The following KLHL1 variants were observed in gnomAD, a reference collection of about 807,000 sequenced individuals.
KLHL1 encodes the protein kelch-like protein 1.
Under a neutral mutation model 77.7 loss-of-function variants are expected in KLHL1, and 47 were observed. That is an observed-to-expected ratio of 0.60 (90% CI 0.48 to 0.77). The LOEUF (loss-of-function observed/expected upper bound fraction) is 0.77, where lower values mean the gene tolerates loss of function less well. Ranked by LOEUF, KLHL1 falls within the 30% of genes least tolerant of loss-of-function variation. The probability of loss-of-function intolerance (pLI) is 0.00; values close to 1 mark genes in which losing one functional copy is unlikely to be tolerated. For missense variants in KLHL1, 925 were observed against 910.8 expected (o/e 1.02, Z -0.20); for synonymous variants, 360 against 325.2 (o/e 1.11, Z -1.15).
chr13:69,774,755 T>C (rs1875745950), intron 7 of KLHL1, among the ~76,000 whole-genome samples: 1 of 152,156 alleles, frequency 6.6e-6, no homozygotes, highest in South Asian at 2.1e-4. Context: ...TTCTTGTATA[T>C]TAACTTTGCA....
chr13:69,769,454 C>G (rs373346792), intron 7 of KLHL1, among the ~76,000 whole-genome samples: 1 of 152,068 alleles, frequency 6.6e-6, no homozygotes, highest in Admixed American at 6.5e-5. Flanking sequence ...AGGGATGGGT[C>G]CCTGGTGAAA....
chr13:69,992,050 T>C lies in KLHL1; in HGVS notation c.498-16248A>G, dbSNP rs578233733. On this transcript the variant is annotated intron_variant, in intron 1 of 10. Transcript: ENST00000377844. ...CTCAGACCTAATGAATCAAGCCCTCTGGGAGGTTCTGTTGGATGCTCAAGT... is the reference window on the plus strand; with the variant it reads ...CTCAGACCTAATGAATCAAGCCCTCCGGGAGGTTCTGTTGGATGCTCAAGT... 1.5e-4 allele frequency among the ~76,000 whole-genome samples: 23 copies of C among 152,064 alleles called. No homozygotes were observed. In the South Asian group the frequency reaches 3.7e-3, roughly 25 times the overall value.
At chr13:69,729,906 TA>T (rs1262572705) in intron 8 of KLHL1, among the ~76,000 whole-genome samples, 2 of 152,212 alleles carry the variant, frequency 1.3e-5, no homozygotes, top group Non-Finnish European at 2.9e-5. Context: ...CACACTCTGA[TA>T]TTTTTTACGA....
intron 6 of KLHL1, among the ~76,000 whole-genome samples, chr13:69,800,136 A>G (rs893354151): frequency 4.6e-5 from 7 of 151,944 alleles, no homozygotes; most frequent in Non-Finnish European, 4.4e-5. Flanking sequence ...ATTCCTTGTT[A>G]CTCCATCTTC....
Position 69,740,528 on chromosome 13 carries a change from A to G in KLHL1, c.1668T>C (p.Tyr556=), listed in dbSNP as rs1873945505. The G allele has an allele frequency of 6.2e-7, 1 of 1,612,280 alleles. No homozygotes were observed. Among genetic ancestry groups the G allele is most frequent in the African/African-American group, 1.3e-5 (1 of 75,044 alleles). ...LGVTVLEGPI[Y]AVGGHDGWSY... ...TCCAGCCATCATGGCCTCCCACAGC[A>G]TAAATAGGGCCTTCAAGTACTGTTA... is the stretch of plus-strand genomic sequence containing the variant. The change falls in exon 8 of 11, where the codon TAT becomes TAC. Residue 556 remains tyrosine (Y), a synonymous_variant. Transcript: ENST00000377844.
At chr13:70,100,509 A>G (rs1189709584) in intron 1 of KLHL1, among the ~76,000 whole-genome samples, 1 of 152,106 alleles carries the variant, frequency 6.6e-6, no homozygotes, top group Admixed American at 6.6e-5. Flanking sequence ...AAAGTTTTGT[A>G]TTTTTAGTAG....
rs1477995871 is a variant in KLHL1 at position 69,850,849 on chromosome 13, C to G, written c.1228-11687G>C. On this transcript the variant is annotated intron_variant, in intron 5 of 10. Transcript: ENST00000377844. ...AACCTTCTACATTGTCAAGGCTGTTCTATACATTATCCTTCACGAGAACAA... is the reference window on the plus strand; with the variant it reads ...AACCTTCTACATTGTCAAGGCTGTTGTATACATTATCCTTCACGAGAACAA... Among the ~76,000 whole-genome samples the G allele has an allele frequency of 9.9e-5, 15 of 151,656 alleles. No homozygotes were observed. In the Admixed American group the frequency reaches 9.9e-4, roughly 10 times the overall value.
chr13:69,758,302 C>A (rs1261467550), intron 7 of KLHL1, among the ~76,000 whole-genome samples: 1 of 152,002 alleles, frequency 6.6e-6, no homozygotes, highest in Non-Finnish European at 1.5e-5. Flanking sequence ...ATCCTATAAA[C>A]CAATTCATTT....
At chr13:69,717,001 T>G (rs1484825719) in intron 9 of KLHL1, among the ~76,000 whole-genome samples, 3 of 152,148 alleles carry the variant, frequency 2.0e-5, no homozygotes, top group Non-Finnish European at 4.4e-5. Flanking sequence ...TAAACTATTC[T>G]AAAGTCCTCA....
At chr13:70,064,212 A>G (rs1185209131) in intron 1 of KLHL1, among the ~76,000 whole-genome samples, 1 of 152,148 alleles carries the variant, frequency 6.6e-6, no homozygotes, top group Non-Finnish European at 1.5e-5. Flanking sequence ...AAAAACCTTG[A>G]TATATTTCTT....
At chr13:69,766,422 A>G (rs1159100678) in intron 7 of KLHL1, among the ~76,000 whole-genome samples, 1 of 151,322 alleles carries the variant, frequency 6.6e-6, no homozygotes, top group Admixed American at 6.6e-5. Flanking sequence ...TGCATTTCAT[A>G]TATTTTTGAA....
rs9564602 is a variant in KLHL1, at chr13:69,751,108, G to T, written c.1640-10552C>A. ...CTAATATCTTTCATTCATGTCATGT[G>T]TGTATGTGTGTGTGTGTGTGTGTGT... On this transcript the variant is annotated intron_variant, in intron 7 of 10. Transcript: ENST00000377844. Among the ~76,000 whole-genome samples the T allele has an allele frequency of 9.8e-5, 13 of 132,812 alleles. No individual in the cohort carries two copies. The East Asian group carries it at 3.0e-3, about 31-fold the overall frequency. The allele number at this position is 132,812 out of a possible 152,430, so 87.1% of individuals were successfully genotyped here.
chr13:69,937,204 A>G (rs1272319752), intron 4 of KLHL1, among the ~76,000 whole-genome samples: 1 of 152,180 alleles, frequency 6.6e-6, no homozygotes, highest in Non-Finnish European at 1.5e-5. Context: ...CTTTCTGCCC[A>G]TCTTTACCCA....
chr13:69,736,766 G>T (rs770264480), intron 8 of KLHL1, among the ~76,000 whole-genome samples: 11 of 151,890 alleles, frequency 7.2e-5, no homozygotes, highest in Non-Finnish European at 1.5e-4. Context: ...GCAGCAACCT[G>T]GTTGGAACTG....
At chr13:69,944,872 C>G (rs1883468758) in intron 3 of KLHL1, among the ~76,000 whole-genome samples, 1 of 150,632 alleles carries the variant, frequency 6.6e-6, no homozygotes. Flanking sequence ...TTGAATGAGT[C>G]AGATATGTGT....
intron 7 of KLHL1, among the ~76,000 whole-genome samples, chr13:69,767,439 G>A (rs140288980): frequency 0.011 from 1,726 of 152,150 alleles, 35 homozygotes; most frequent in African/African-American, 0.039. Flanking sequence ...ACTCATGCCT[G>A]TAATCCCAGC....
intron 8 of KLHL1, among the ~76,000 whole-genome samples, chr13:69,726,081 T>C (rs1256699280): frequency 1.3e-5 from 2 of 152,176 alleles, no homozygotes; most frequent in African/African-American, 2.4e-5. Context: ...TATAGTTATT[T>C]ACAATTTTTC....
At chr13:69,855,465 C>A (rs1236594361) in intron 5 of KLHL1, among the ~76,000 whole-genome samples, 10 of 151,712 alleles carry the variant, frequency 6.6e-5, no homozygotes, top group African/African-American at 2.4e-4. Flanking sequence ...GGTTGTGTCC[C>A]CACCCAAAAT....
At chr13:69,943,123 A>G (rs1883414935) in intron 3 of KLHL1, among the ~76,000 whole-genome samples, 1 of 152,024 alleles carries the variant, frequency 6.6e-6, no homozygotes. Context: ...GACACCGTAT[A>G]GGTGATCTTG....
Sources: allele counts gnomAD v4.1 joint callset (sites outside exome capture counted in the v4.1 genomes callset), GRCh38; gene constraint gnomAD v4.1.1; transcripts MANE v1.5; gene names NCBI Gene and HGNC (gene_info 2026-07-23, HGNC 2026-07-21).